ZHX2: variants seen among roughly 807,000 people sequenced by gnomAD.
ZHX2 encodes the protein zinc fingers and homeoboxes 2.
A neutral mutation model predicts 21.9 loss-of-function variants in ZHX2; 6 were observed. The observed-to-expected ratio is 0.27, with a 90% confidence interval of 0.15 to 0.54. The LOEUF is 0.54. Among genes scored for constraint, ZHX2 ranks in the 20% least tolerant of loss-of-function variants. The pLI is 0.95. For missense variants in ZHX2, 908 were observed against 1,090.7 expected, an observed-to-expected ratio of 0.83 and a Z score of 2.36; for synonymous variants, 434 against 437.1, an observed-to-expected ratio of 0.99 and a Z score of 0.09.
At chr8:122,857,804 G>A (rs905031887) in intron 1 of ZHX2, among the ~76,000 whole-genome samples, 1 of 152,024 alleles carries the variant, frequency 6.6e-6, no homozygotes, top group Non-Finnish European at 1.5e-5. Flanking sequence ...TGTAGAATGG[G>A]TATGTGAATG....
At chr8:122,781,155 C>T (rs1226288137), upstream of ZHX2, 9 of 152,204 alleles carry the variant, frequency 5.9e-5, no homozygotes, top group Non-Finnish European at 8.8e-5. The surrounding 1 kb of genome is among the most constrained non-coding windows in gnomAD (Gnocchi z 4.6). Flanking sequence ...CGTGGTGGCC[C>T]CACCCGCGCA....
At chr8:122,949,238 G>A (rs891793026) in intron 2 of ZHX2, among the ~76,000 whole-genome samples, 4 of 151,852 alleles carry the variant, frequency 2.6e-5, no homozygotes, top group African/African-American at 7.3e-5. Flanking sequence ...CAGGAGAATC[G>A]TTTGAACCTG....
chr8:122,846,133 GA>G (rs931500241), intron 1 of ZHX2, among the ~76,000 whole-genome samples: 1 of 152,200 alleles, frequency 6.6e-6, no homozygotes, highest in Non-Finnish European at 1.5e-5. Flanking sequence ...ATTGGATGTA[GA>G]TGTTGGCAGA....
At chr8:122,895,864 T>G (rs1820087208) in intron 2 of ZHX2, among the ~76,000 whole-genome samples, 1 of 152,126 alleles carries the variant, frequency 6.6e-6, no homozygotes, top group Non-Finnish European at 1.5e-5. Flanking sequence ...CCCTCCCACC[T>G]GCCAACCCAG....
chr8:122,859,794 CT>C (rs928042713), intron 1 of ZHX2, among the ~76,000 whole-genome samples: 1 of 152,186 alleles, frequency 6.6e-6, no homozygotes, highest in African/African-American at 2.4e-5. Flanking sequence ...CCATGAGTTT[CT>C]TAATGGTAGG....
At chr8:122,911,051 G>A (rs1820468371) in intron 2 of ZHX2, among the ~76,000 whole-genome samples, 1 of 152,202 alleles carries the variant, frequency 6.6e-6, no homozygotes, top group African/African-American at 2.4e-5. Context: ...AATACACCCT[G>A]CATAGTGAAA....
intron 1 of ZHX2, among the ~76,000 whole-genome samples, chr8:122,801,803 G>T (rs556635530): frequency 6.6e-6 from 1 of 152,212 alleles, no homozygotes; most frequent in East Asian, 1.9e-4. Flanking sequence ...ATCCTCCCTT[G>T]CCCTAAACGC....
intron 2 of ZHX2, among the ~76,000 whole-genome samples, chr8:122,888,086 T>C (rs1819887168): frequency 6.6e-6 from 1 of 152,050 alleles, no homozygotes; most frequent in African/African-American, 2.4e-5. Flanking sequence ...TCTCCAGGGG[T>C]ATTCCCTTTT....
chr8:122,787,063 C>T (rs1254816116), intron 1 of ZHX2, among the ~76,000 whole-genome samples: 2 of 147,388 alleles, frequency 1.4e-5, no homozygotes, highest in Non-Finnish European at 3.0e-5. Context: ...TGTAATCATG[C>T]AGTTAAGAGG....
At chr8:122,928,061 G>A (rs533248035) in intron 2 of ZHX2, among the ~76,000 whole-genome samples, 9 of 152,232 alleles carry the variant, frequency 5.9e-5, no homozygotes, top group East Asian at 1.9e-4. Flanking sequence ...GCCCTAGGAC[G>A]CTTGCACTAT....
At chr8:122,804,740 G>A (rs145023542) in intron 1 of ZHX2, among the ~76,000 whole-genome samples, 141 of 152,290 alleles carry the variant, frequency 9.3e-4, no homozygotes, top group Non-Finnish European at 1.3e-3. Flanking sequence ...TCCCAGCTGA[G>A]GCAACTGAGG....
chr8:122,852,762 A>C (rs1300610162), intron 1 of ZHX2, among the ~76,000 whole-genome samples: 3 of 152,152 alleles, frequency 2.0e-5, no homozygotes, highest in Non-Finnish European at 4.4e-5. Flanking sequence ...ATTACAAAGA[A>C]GGGCTAAGCT....
At chr8:122,870,876 AAGTG>A (rs2129692139) in intron 2 of ZHX2, among the ~76,000 whole-genome samples, 1 of 152,182 alleles carries the variant, frequency 6.6e-6, no homozygotes, top group Admixed American at 6.5e-5. Context: ...TGAAGATAGA[AAGTG>A]AGAAAGGACA....
Position 122,951,321 on chromosome 8 carries a change from T to G in ZHX2, c.-190T>G. ...GATGCTTCCTGGTGTGTTTAGTGGT[T>G]GGTGCCATTCCAATTTTCTGTGCTG... is the stretch of plus-strand genomic sequence containing the variant. On this transcript the variant is annotated 5_prime_UTR_variant, in exon 3 of 4. Coordinates refer to ENST00000314393, the MANE Select transcript of ZHX2 (RefSeq NM_014943.5). 1.7e-6 allele frequency: 1 copy of G among 594,314 alleles called. No homozygotes were observed. Among genetic ancestry groups the G allele is most frequent in the Non-Finnish European group, 3.0e-6 (1 of 336,812 alleles). The allele number at this position is 594,314 out of a possible 1,614,324, so 36.8% of individuals were successfully genotyped here.
intron 1 of ZHX2, among the ~76,000 whole-genome samples, chr8:122,829,981 T>C (rs1266471349): frequency 6.6e-6 from 1 of 152,202 alleles, no homozygotes; most frequent in Non-Finnish European, 1.5e-5. Context: ...GTTTTCAATA[T>C]TGTCAGAGCT....
At chr8:122,844,792 A>G (rs1476803007) in intron 1 of ZHX2, among the ~76,000 whole-genome samples, 2 of 152,176 alleles carry the variant, frequency 1.3e-5, no homozygotes, top group Non-Finnish European at 2.9e-5. Flanking sequence ...CAGAAAGGCA[A>G]TGACTGCTCT....
At position 122,951,831 on chromosome 8, in the gene ZHX2, C is replaced by A; in HGVS notation, c.321C>A (p.Asn107Lys). 2 of 1,614,154 alleles carry A rather than the reference C, an allele frequency of 1.2e-6. No homozygotes were observed. Among genetic ancestry groups the A allele is most frequent in the South Asian group, 1.1e-5 (1 of 91,078 alleles). The change falls in exon 3 of 4, where the codon AAC becomes AAA. Residue 107 changes from asparagine to lysine, a missense_variant. Around this residue, in one of 4 missense-constraint regions of ZHX2, gnomAD observed 220 missense variants for 251.4 expected, o/e 0.88. Transcript: ENST00000314393. ...VDMQHPNVILNPLYVCAECNF... is the reference protein window; with the variant it reads ...VDMQHPNVILKPLYVCAECNF... Reference sequence around the variant, plus strand: ...TGCAGCATCCCAACGTGATTCTCAACCCCCTCTACGTGTGTGCAGAATGTA... The same window carrying A: ...TGCAGCATCCCAACGTGATTCTCAAACCCCTCTACGTGTGTGCAGAATGTA...
In ZHX2 at chr8:122,782,693, C is replaced by T. The variant is rs1817316120; in HGVS notation, c.-283+747C>T. The stretch of plus-strand genomic sequence containing the variant: ...GGGCAGGGCCGGAGCGCGGCGCTGT[C>T]CTCACCCCCGCTCAGGTGCAGGGGG... On this transcript the variant is annotated intron_variant, in intron 1 of 3. Transcript: ENST00000314393. This position sits in a 1 kb window ranked among gnomAD's most constrained non-coding sequence, Gnocchi z 5.3. Among the ~76,000 whole-genome samples, 1 of 152,154 alleles carries T rather than the reference C, an allele frequency of 6.6e-6. No homozygotes were observed. The highest frequency in any genetic ancestry group is 1.5e-5 in the Non-Finnish European group (1 of 67,962).
intron 1 of ZHX2, among the ~76,000 whole-genome samples, chr8:122,786,556 C>T (rs1397745262): frequency 1.3e-5 from 2 of 152,212 alleles, no homozygotes; most frequent in Non-Finnish European, 2.9e-5. Flanking sequence ...GCACACACCT[C>T]ACATGTGAAC....
Sources: gnomAD v4.1 joint callset for allele counts (sites outside exome capture counted in the v4.1 genomes callset) on GRCh38, gnomAD v4.1.1 for gene constraint, gnomAD v4.1.1 regional missense constraint, Gnocchi (gnomAD v3.1) non-coding constraint, MANE v1.5 for transcripts, NCBI Gene and HGNC (gene_info 2026-07-23, HGNC 2026-07-21) for gene names.